Variants in CREG2 observed in about 807,000 individuals in gnomAD.
CREG2 encodes protein CREG2.
In CREG2, 24 loss-of-function variants were observed where a neutral mutation model predicts 26.2. The observed-to-expected ratio is 0.92, with a 90% CI of 0.66 to 1.29. The LOEUF is 1.29. Among genes scored for constraint, CREG2 ranks in the 50% most tolerant of loss-of-function variants. The pLI, the probability that CREG2 is intolerant of heterozygous loss-of-function variation, is 0.00. For synonymous variants in CREG2, 174 were observed against 169.2 expected (o/e 1.03, Z -0.22); for missense variants, 366 against 398.6 (o/e 0.92, Z 0.70).
At chr2:101,382,493 T>C (rs756346193) in intron 2 of CREG2, 208 of 983,822 alleles carry the variant, frequency 2.1e-4, no homozygotes, top group Non-Finnish European at 2.4e-4. Flanking sequence ...CTAGTAACAG[T>C]AAGCTTGACT....
chr2:101,384,753 C>A (rs750814936), intron 1 of CREG2, among the ~76,000 whole-genome samples: 5 of 152,196 alleles, frequency 3.3e-5, no homozygotes, highest in African/African-American at 9.6e-5. Context: ...CCCAGTTACT[C>A]GAAAGACTGA....
intron 2 of CREG2, among the ~76,000 whole-genome samples, chr2:101,360,772 G>C (rs1040547756): frequency 6.6e-6 from 1 of 151,800 alleles, no homozygotes; most frequent in African/African-American, 2.4e-5. Context: ...ATTATAATCT[G>C]TGGTAGTTTT....
At chr2:101,351,092 A>G in intron 3 of CREG2, 22 bp from the exon 4 acceptor site, 1 of 1,611,184 alleles carries the variant, frequency 6.2e-7, no homozygotes. Context: ...AAGAGAGACC[A>G]CAGTAAAGCT....
intron 2 of CREG2, among the ~76,000 whole-genome samples, chr2:101,363,901 G>A (rs1321696355): frequency 1.3e-5 from 2 of 150,938 alleles, no homozygotes; most frequent in Admixed American, 1.3e-4. Context: ...CACACAGGAA[G>A]AAAGGAAGTG....
chr2:101,374,317 C>G (rs761297617), intron 2 of CREG2, among the ~76,000 whole-genome samples: 12 of 152,188 alleles, frequency 7.9e-5, no homozygotes, highest in Admixed American at 2.6e-4. Context: ...GTGGAGGTTG[C>G]AGTGAGCTGA....
chr2:101,360,614 T>C (rs750290862), intron 2 of CREG2, among the ~76,000 whole-genome samples: 8 of 151,966 alleles, frequency 5.3e-5, no homozygotes, highest in African/African-American at 1.2e-4. Context: ...GGTGGGCAGC[T>C]GTAATTCCAG....
At chr2:101,386,514 A>C (rs887854488) in intron 1 of CREG2, among the ~76,000 whole-genome samples, 45 of 152,230 alleles carry the variant, frequency 3.0e-4, no homozygotes, top group African/African-American at 9.4e-4. Flanking sequence ...TTCCAGAAAA[A>C]ATCGTGAACT....
Position 101,347,919 on chromosome 2 carries a change from A to G in CREG2, c.*3004T>C, listed in dbSNP as rs774537109. 1.3e-4 allele frequency: 20 copies of G among 152,320 alleles called. No individual in the cohort carries two copies. Among genetic ancestry groups the G allele is most frequent in the South Asian group, 2.1e-4 (1 of 4,834 alleles). The allele number at this position is 152,320 out of a possible 1,614,324, so 9.4% of individuals were successfully genotyped here. On this transcript the variant is annotated 3_prime_UTR_variant, in exon 4 of 4. Transcript: ENST00000324768. ...TAGCCCTAGTTCCAAAAGATTTTCT[A>G]TATCCTATAGTTTTATAGTTTTACA...
Position 101,350,720 on chromosome 2 carries a change from G to C in CREG2, c.*203C>G. On this transcript the variant is annotated 3_prime_UTR_variant, in exon 4 of 4. Coordinates refer to ENST00000324768, the MANE Select transcript of CREG2 (RefSeq NM_153836.4). ...TAAAGACTATCTACGTGAAGTATCTGTGTGAGTTGGAGATCTGCAAATGAC... is the reference window on the plus strand; with the variant it reads ...TAAAGACTATCTACGTGAAGTATCTCTGTGAGTTGGAGATCTGCAAATGAC... The C allele has an allele frequency of 1.8e-6, 1 of 568,640 alleles. No homozygotes were observed. The highest frequency in any genetic ancestry group is 3.1e-6 in the Non-Finnish European group (1 of 320,154). 35.2% of individuals were successfully genotyped at this position (568,640 alleles called of 1,614,324 possible).
chr2:101,387,134 G>T lies in CREG2; in HGVS notation c.324C>A (p.Arg108=). The part of the protein sequence containing the change: ...PAPPGMFSYR[R]EGGQTASAPP... ...GCGCACTGGCCGTCTGGCCGCCCTC[G>T]CGCCGGTAGGAGAACATCCCGGGTG... Residue 108 remains arginine (R), a synonymous_variant, in exon 1 of 4, where the codon CGC becomes CGA. Transcript: ENST00000324768. This position sits in a 1 kb window ranked among gnomAD's most constrained non-coding sequence, Gnocchi z 4.7. The T allele has an allele frequency of 8.0e-7, 1 of 1,247,448 alleles. No homozygotes were observed. Among genetic ancestry groups the T allele is most frequent in the Non-Finnish European group, 1.0e-6 (1 of 996,472 alleles). 77.3% of individuals were successfully genotyped at this position (1,247,448 alleles called of 1,614,324 possible).
intron 2 of CREG2, among the ~76,000 whole-genome samples, chr2:101,370,649 T>G (rs1352320804): frequency 1.3e-5 from 2 of 152,160 alleles, no homozygotes. Flanking sequence ...AGGCCCTTAT[T>G]TTCAGAGACT....
At chr2:101,374,633 C>A (rs964697429) in intron 2 of CREG2, among the ~76,000 whole-genome samples, 1 of 152,234 alleles carries the variant, frequency 6.6e-6, no homozygotes, top group African/African-American at 2.4e-5. Context: ...TACGTCTTGG[C>A]TCTTAGCAAG....
rs1438016717 is a variant in CREG2 at position 101,350,904 on chromosome 2, G to C, written c.*19C>G. 2 of 1,613,252 alleles carry C rather than the reference G, an allele frequency of 1.2e-6. No individual in the cohort carries two copies. The highest frequency in any genetic ancestry group is 3.3e-5 in the Admixed American group (2 of 59,862). On this transcript the variant is annotated 3_prime_UTR_variant, in exon 4 of 4. Transcript: ENST00000324768. ...GTTTTCATTTAAGTGCAAACACCAA[G>C]GACTTTCTTCTCACTCCATCAGGCC... is the stretch of plus-strand genomic sequence containing the variant.
chr2:101,376,425 C>T (rs1029432995), intron 2 of CREG2, among the ~76,000 whole-genome samples: 3 of 152,032 alleles, frequency 2.0e-5, no homozygotes, highest in Non-Finnish European at 4.4e-5. Flanking sequence ...CTACCGGCCC[C>T]CACCACCAAG....
chr2:101,354,601 C>T (rs542382170), intron 3 of CREG2, among the ~76,000 whole-genome samples: 4 of 152,274 alleles, frequency 2.6e-5, no homozygotes, highest in Non-Finnish European at 4.4e-5. Flanking sequence ...GCACTTCCGG[C>T]GGTCCCTGCA....
At position 101,382,974 on chromosome 2, in the gene CREG2, C is replaced by A. The variant is rs1163036597; in HGVS notation, c.611+559G>T. ...TGCATTTTGAATTCAGATAAAGGGG[C>A]CTGCATCAATGTTCTGTTAGTGCTT... On this transcript the variant is annotated intron_variant, in intron 2 of 3. Transcript: ENST00000324768. 14 of 985,650 alleles carry A rather than the reference C, an allele frequency of 1.4e-5. No homozygotes were observed. The Admixed American group carries it at 1.8e-4, about 13-fold the overall frequency. 61.1% of individuals were successfully genotyped at this position (985,650 alleles called of 1,614,324 possible). A position where few individuals can be genotyped will look rare whatever the true frequency, so the allele number is the denominator to read the frequency against.
chr2:101,379,243 C>T (rs1344281341), intron 2 of CREG2, among the ~76,000 whole-genome samples: 1 of 152,116 alleles, frequency 6.6e-6, no homozygotes, highest in Non-Finnish European at 1.5e-5. Context: ...AACTGTGGAT[C>T]AGGGCAATGA....
intron 2 of CREG2, among the ~76,000 whole-genome samples, chr2:101,357,941 C>T (rs1684486016): frequency 6.8e-6 from 1 of 147,194 alleles, no homozygotes; most frequent in African/African-American, 2.5e-5. Flanking sequence ...TGCACCACTG[C>T]ACTCCAGCCT....
At chr2:101,357,601 C>T (rs879545513) in intron 2 of CREG2, among the ~76,000 whole-genome samples, 3 of 152,112 alleles carry the variant, frequency 2.0e-5, no homozygotes, top group Non-Finnish European at 2.9e-5. Context: ...TTCTGAATGG[C>T]TTTGATGTGT....
Sources: allele counts gnomAD v4.1 joint callset (sites outside exome capture counted in the v4.1 genomes callset), GRCh38; gene constraint gnomAD v4.1.1; non-coding constraint Gnocchi (gnomAD v3.1); transcripts MANE v1.5; gene names NCBI Gene and HGNC (gene_info 2026-07-23, HGNC 2026-07-21).